Variants in ANKRD26 observed in about 807,000 individuals in gnomAD.
ANKRD26 encodes ankyrin repeat domain-containing protein 26.
ANKRD26 carries 141 observed loss-of-function variants against 208.7 expected under a neutral mutation model. The ratio of observed to expected loss-of-function variants is 0.68; its 90% confidence interval spans 0.59 to 0.78. The LOEUF (loss-of-function observed/expected upper bound fraction) is 0.78, where lower values mean the gene tolerates loss of function less well. Among genes scored for constraint, ANKRD26 ranks in the 30% least tolerant of loss-of-function variants. The pLI is 0.00. For missense variants in ANKRD26, 1,889 were observed against 1,938.7 expected (o/e 0.97, Z 0.48); for synonymous variants, 636 against 660.4 (o/e 0.96, Z 0.57).
the ANKRD26 span, among the ~76,000 whole-genome samples, chr10:26,958,376 G>A: frequency 2.0e-5 from 3 of 152,136 alleles, no homozygotes; most frequent in African/African-American, 7.2e-5. Flanking sequence ...ATGAGCCACC[G>A]TGTTCAGCCC....
At chr10:26,977,037 G>A (rs1364285539) in intron 5 of ANKRD26, among the ~76,000 whole-genome samples, 4 of 152,090 alleles carry the variant, frequency 2.6e-5, no homozygotes, top group Admixed American at 6.5e-5. Context: ...TTATCAAACC[G>A]TCCCCACCCC....
chr10:26,992,499 CACACACACAG>C lies in ANKRD26; in HGVS notation c.*30-504_*30-495del, dbSNP rs894906001. Among the ~76,000 whole-genome samples, 37 of 150,340 alleles carry C rather than the reference CACACACACAG, an allele frequency of 2.5e-4. No individual in the cohort carries two copies. The South Asian group carries it at 5.7e-3, about 23-fold the overall frequency. On this transcript the variant is annotated intron_variant, in intron 5 of 5. Transcript: ENST00000445828. ...ACACACACACACACACACACACACA[CACACACACAG>C]AGAGAAAAAGAGAGAGACTTTCCCA...
intron 6 of ANKRD26, chr10:27,080,876 C>T (rs1383006399): frequency 1.0e-6 from 1 of 985,304 alleles, no homozygotes; most frequent in Non-Finnish European, 1.2e-6. Flanking sequence ...GACTTGCCAG[C>T]TAATCCTACC....
chr10:27,060,196 C>A, intron 15 of ANKRD26, 149 bp downstream of exon 15: 1 of 665,602 alleles, frequency 1.5e-6, no homozygotes, highest in Non-Finnish European at 2.6e-6. Flanking sequence ...GAGCAAGACT[C>A]GGTCTCAATT....
At chr10:26,955,437 A>AT in the ANKRD26 span, among the ~76,000 whole-genome samples, 3 of 151,972 alleles carry the variant, frequency 2.0e-5, no homozygotes, top group South Asian at 2.1e-4. Context: ...TCAAAAAAAA[A>AT]AATATATATA....
rs143671108 is a variant in ANKRD26 at position 27,082,768 on chromosome 10, T to C, written c.740+35A>G. ...CAACAGTTTCTTTTCTCTGTATTCC[T>C]TTAAATATATTTTTAAAAATCTGTA... is the stretch of plus-strand genomic sequence containing the variant. On this transcript the variant is annotated intron_variant, in intron 6 of 33. Coordinates refer to ENST00000376087, the MANE Select transcript of ANKRD26 (RefSeq NM_014915.3). 442 of 1,555,650 alleles carry C rather than the reference T, an allele frequency of 2.8e-4. 2 individuals carry two copies. In the African/African-American group the frequency reaches 5.5e-3, roughly 19 times the overall value.
At chr10:27,099,675 C>T (rs115613843) in intron 1 of ANKRD26, among the ~76,000 whole-genome samples, 59 of 152,340 alleles carry the variant, frequency 3.9e-4, no homozygotes, top group African/African-American at 1.3e-3. Context: ...GCCACCGCGC[C>T]TGACGAATAA....
At chr10:26,967,648 T>G in the ANKRD26 span, among the ~76,000 whole-genome samples, 1 of 152,276 alleles carries the variant, frequency 6.6e-6, no homozygotes, top group South Asian at 2.1e-4. Flanking sequence ...CCAAGGTTGA[T>G]CCACAAGAAT....
At chr10:27,064,128 T>C (rs760310001) in intron 11 of ANKRD26, 47 bp from the exon 12 acceptor site, 1 of 1,301,854 alleles carries the variant, frequency 7.7e-7, no homozygotes, top group Non-Finnish European at 1.1e-6. Flanking sequence ...ACAAAAAGAA[T>C]GAATTGCTAA....
chr10:27,078,910 T>TAAAAAA (rs71281564), intron 7 of ANKRD26, among the ~76,000 whole-genome samples, 179 bp downstream of exon 7: 6 of 74,584 alleles, frequency 8.0e-5, no homozygotes, highest in African/African-American at 1.6e-4. Context: ...TTTACCAAAG[T>TAAAAAA]AAAAAAAAAA....
intron 5 of ANKRD26, among the ~76,000 whole-genome samples, chr10:26,976,044 TA>T (rs1429962485): frequency 1.3e-5 from 2 of 151,498 alleles, no homozygotes; most frequent in Middle Eastern, 3.4e-3. Context: ...GATTGGCAGC[TA>T]AAAAAAATAA....
At chr10:27,026,534 G>C (rs898933633) in intron 27 of ANKRD26, among the ~76,000 whole-genome samples, 1 of 152,274 alleles carries the variant, frequency 6.6e-6, no homozygotes, top group South Asian at 2.1e-4. Flanking sequence ...ATCTGTATAG[G>C]AGAGTAGCAT....
chr10:26,990,994 C>T (rs189349905), downstream of ANKRD26, among the ~76,000 whole-genome samples: 10 of 152,304 alleles, frequency 6.6e-5, no homozygotes, highest in East Asian at 7.7e-4. Context: ...TCTCTGCCTG[C>T]GCAGAAGCAG....
At chr10:27,020,093 CATTCT>C (rs1343317216) in intron 29 of ANKRD26, among the ~76,000 whole-genome samples, 1 of 152,198 alleles carries the variant, frequency 6.6e-6, no homozygotes, top group African/African-American at 2.4e-5. Flanking sequence ...ACCTTTACCA[CATTCT>C]ATTCATTAGA....
At chr10:27,011,478 G>A (rs947284834) in intron 32 of ANKRD26, among the ~76,000 whole-genome samples, 1 of 151,752 alleles carries the variant, frequency 6.6e-6, no homozygotes, top group African/African-American at 2.4e-5. Context: ...AGTTAGACAA[G>A]TATCTTAAAC....
At chr10:27,035,910 T>C (rs1589254002) in intron 23 of ANKRD26, among the ~76,000 whole-genome samples, 158 bp from the exon 24 acceptor site, 1 of 151,260 alleles carries the variant, frequency 6.6e-6, no homozygotes, top group East Asian at 1.9e-4. Context: ...ACTCAAACCG[T>C]ATAGAGCATA....
At position 27,047,736 on chromosome 10, in the gene ANKRD26, A is replaced by T. The variant is rs28587250; in HGVS notation, c.1814+1065T>A. Among the ~76,000 whole-genome samples, 111 of 48,826 alleles carry T rather than the reference A, an allele frequency of 2.3e-3. 1 individual carries two copies. Among genetic ancestry groups the T allele is most frequent in the East Asian group, 8.8e-3 (17 of 1,930 alleles). The allele number at this position is 48,826 out of a possible 152,430, so 32.0% of individuals were successfully genotyped here. A position where few individuals can be genotyped will look rare whatever the true frequency, so the allele number is the denominator to read the frequency against. On this transcript the variant is annotated intron_variant, in intron 17 of 33. Transcript: ENST00000376087. ...TACTACTACTACTAATAATAATAATAATAATTATTATTATTATTATTATTG... is the reference window on the plus strand; with the variant it reads ...TACTACTACTACTAATAATAATAATTATAATTATTATTATTATTATTATTG...
rs369124930 is a variant in ANKRD26 at position 27,013,002 on chromosome 10, A to G, written c.4833T>C (p.Cys1611=). 27 of 1,613,956 alleles carry G rather than the reference A, an allele frequency of 1.7e-5. No homozygotes were observed. The highest frequency in any genetic ancestry group is 2.7e-5 in the African/African-American group (2 of 74,924). The change falls in exon 32 of 34, where the codon TGT becomes TGC. Residue 1611 remains cysteine (C), a synonymous_variant. Coordinates refer to ENST00000376087, the MANE Select transcript of ANKRD26 (RefSeq NM_014915.3). ...CTAAACTATTATTAAGATTTCCCACACAAGGTGGCTCCATGACTGGCCTGG... is the reference window on the plus strand; with the variant it reads ...CTAAACTATTATTAAGATTTCCCACGCAAGGTGGCTCCATGACTGGCCTGG... The part of the protein sequence containing the change: ...LTTRPVMEPP[C]VGNLNNSLDL...
downstream of ANKRD26, among the ~76,000 whole-genome samples, chr10:26,988,207 C>G (rs549165810): frequency 3.9e-5 from 6 of 152,148 alleles, 1 homozygote; most frequent in East Asian, 9.6e-4. Flanking sequence ...CCCCACAAAC[C>G]CTCTATGTTG....
Sources: allele counts gnomAD v4.1 joint callset (sites outside exome capture counted in the v4.1 genomes callset), GRCh38; gene constraint gnomAD v4.1.1; transcripts MANE v1.5; gene names NCBI Gene and HGNC (gene_info 2026-07-23, HGNC 2026-07-21).